DPH6: variants seen among roughly 807,000 people sequenced by gnomAD.
DPH6 encodes the protein diphthine--ammonia ligase.
In DPH6, 33 loss-of-function variants were observed where a neutral mutation model predicts 38.2. That is an observed-to-expected ratio of 0.86 (90% CI 0.65 to 1.15). DPH6 has a LOEUF of 1.15. DPH6 is among the 50% of genes most tolerant of loss of function. The pLI is 0.00. For synonymous variants in DPH6, 108 were observed against 103.0 expected, an observed-to-expected ratio of 1.05 and a Z score of -0.30; for missense variants, 325 against 320.0, an observed-to-expected ratio of 1.02 and a Z score of -0.12.
rs58800667 is a variant in DPH6, at chr15:35,282,999, A to ATCTTCT, written n.201-62423_201-62418dup. On this transcript the variant is annotated intron_variant and non_coding_transcript_variant, in intron 3 of 3. Transcript: ENST00000560386. ...AGCTGATCTCCTGAATATCATCATC[A>ATCTTCT]TCTTCTTCTTCTTCCTCTTCCTCTT... 65 of 222,826 alleles carry ATCTTCT rather than the reference A, an allele frequency of 2.9e-4. 1 individual carries two copies. Among genetic ancestry groups the ATCTTCT allele is most frequent in the African/African-American group, 1.5e-3 (64 of 42,370 alleles). 13.8% of individuals were successfully genotyped at this position (222,826 alleles called of 1,614,324 possible).
chr15:35,288,740 A>C (rs1566860433), intron 3 of DPH6, among the ~76,000 whole-genome samples: 1 of 152,142 alleles, frequency 6.6e-6, no homozygotes, highest in East Asian at 1.9e-4. Flanking sequence ...CTTCATGCTA[A>C]TCTCACTAAT....
chr15:35,496,292 CGCCTA>C (rs2054547873), intron 3 of DPH6, among the ~76,000 whole-genome samples: 1 of 151,844 alleles, frequency 6.6e-6, no homozygotes, highest in Non-Finnish European at 1.5e-5. Flanking sequence ...CAGTGACTAA[CGCCTA>C]TAATCCCAGC....
intron 3 of DPH6, among the ~76,000 whole-genome samples, chr15:35,309,640 C>T (rs749546009): frequency 6.6e-6 from 1 of 152,158 alleles, no homozygotes; most frequent in Non-Finnish European, 1.5e-5. Flanking sequence ...GTTAGATGAA[C>T]CAATTTTCCT....
chr15:35,477,714 A>G (rs1170842792), intron 3 of DPH6, among the ~76,000 whole-genome samples: 1 of 151,858 alleles, frequency 6.6e-6, no homozygotes, highest in Non-Finnish European at 1.5e-5. Flanking sequence ...CAACTAACCA[A>G]TTGTTTAAAT....
At chr15:35,460,520 T>G (rs369813086) in intron 3 of DPH6, among the ~76,000 whole-genome samples, 1 of 152,210 alleles carries the variant, frequency 6.6e-6, no homozygotes, top group Non-Finnish European at 1.5e-5. Flanking sequence ...CTATAAATGA[T>G]GATATATAAG....
At chr15:35,543,308 G>T (rs2055294137) in intron 1 of DPH6, among the ~76,000 whole-genome samples, 1 of 115,630 alleles carries the variant, frequency 8.6e-6, no homozygotes, top group African/African-American at 3.5e-5. Flanking sequence ...ATATATGATG[G>T]CAGCAGAACT....
chr15:35,433,624 T>C (rs912732285), intron 5 of DPH6, among the ~76,000 whole-genome samples: 2 of 152,178 alleles, frequency 1.3e-5, no homozygotes, highest in Admixed American at 6.5e-5. Context: ...AATATACATG[T>C]TGTGTTCCTA....
At chr15:35,287,816 G>A (rs2051953797) in intron 3 of DPH6, among the ~76,000 whole-genome samples, 1 of 152,098 alleles carries the variant, frequency 6.6e-6, no homozygotes, top group Non-Finnish European at 1.5e-5. Context: ...TGTTTGAAAT[G>A]TATAAAGACA....
chr15:35,305,724 C>T (rs541877060), intron 3 of DPH6, among the ~76,000 whole-genome samples: 3 of 152,150 alleles, frequency 2.0e-5, no homozygotes, highest in East Asian at 3.9e-4. Flanking sequence ...ATTTAGTATT[C>T]AACTTTTGTA....
intron 1 of DPH6, among the ~76,000 whole-genome samples, chr15:35,544,590 T>C (rs1828697149): frequency 6.6e-6 from 1 of 152,190 alleles, no homozygotes; most frequent in Non-Finnish European, 1.5e-5. Flanking sequence ...TACATAATTA[T>C]ATATAATGCA....
chr15:35,376,976 G>T (rs969686666), intron 7 of DPH6, among the ~76,000 whole-genome samples: 2 of 151,872 alleles, frequency 1.3e-5, no homozygotes, highest in African/African-American at 4.8e-5. Flanking sequence ...CATGCATACT[G>T]CATATATAAA....
At chr15:35,291,582 T>G (rs542446387) in intron 3 of DPH6, among the ~76,000 whole-genome samples, 2 of 152,268 alleles carry the variant, frequency 1.3e-5, no homozygotes, top group East Asian at 1.9e-4. Context: ...GATATTCTTA[T>G]GAAGATGAAA....
At chr15:35,151,134 G>A in the DPH6 span, among the ~76,000 whole-genome samples, 1 of 152,208 alleles carries the variant, frequency 6.6e-6, no homozygotes, top group Admixed American at 6.5e-5. Context: ...GGGGAAGTGG[G>A]TTTGACTTTC....
At chr15:35,443,293 G>A (rs1386964894) in intron 5 of DPH6, among the ~76,000 whole-genome samples, 2 of 152,056 alleles carry the variant, frequency 1.3e-5, no homozygotes, top group Non-Finnish European at 1.5e-5. Context: ...GTCCCAACAA[G>A]AGTTCTCTGG....
intron 6 of DPH6, among the ~76,000 whole-genome samples, chr15:35,408,130 G>A (rs958949995): frequency 8.6e-5 from 13 of 151,978 alleles, no homozygotes; most frequent in African/African-American, 2.7e-4. Flanking sequence ...GAATATATTC[G>A]GAAATACAGC....
the DPH6 span, among the ~76,000 whole-genome samples, chr15:35,164,867 C>A: frequency 1.3e-5 from 2 of 151,814 alleles, no homozygotes; most frequent in South Asian, 4.1e-4. Flanking sequence ...GATTTTTTTG[C>A]AAAATTGATT....
chr15:35,321,935 A>T (rs1429868035), intron 3 of DPH6, among the ~76,000 whole-genome samples: 1 of 152,178 alleles, frequency 6.6e-6, no homozygotes, highest in African/African-American at 2.4e-5. Flanking sequence ...GTCTCTCCAA[A>T]GACTCAGGGG....
chr15:35,505,127 C>T lies in DPH6; in HGVS notation c.312+33147G>A, dbSNP rs181023876. The stretch of plus-strand genomic sequence containing the variant: ...AAATTACATTTACAAATCACAAAGG[C>T]ATCAGCTTGCATGTTCAACTGCGTA... On this transcript the variant is annotated intron_variant, in intron 3 of 8. Coordinates refer to ENST00000256538, the MANE Select transcript of DPH6 (RefSeq NM_080650.4). Among the ~76,000 whole-genome samples the T allele has an allele frequency of 1.4e-3, 206 of 152,210 alleles. 2 individuals are homozygous for T. The highest frequency in any genetic ancestry group is 4.7e-3 in the African/African-American group (197 of 41,540).
chr15:35,517,042 T>A (rs2054857053), intron 3 of DPH6, among the ~76,000 whole-genome samples: 1 of 152,094 alleles, frequency 6.6e-6, no homozygotes, highest in Non-Finnish European at 1.5e-5. Context: ...TATCAACTCA[T>A]AATAAAGAAA....
Sources: gnomAD v4.1 joint callset for allele counts (sites outside exome capture counted in the v4.1 genomes callset) on GRCh38, gnomAD v4.1.1 for gene constraint, MANE v1.5 for transcripts, NCBI Gene and HGNC (gene_info 2026-07-23, HGNC 2026-07-21) for gene names.